Variants in SH3PXD2A observed in about 807,000 individuals in gnomAD.
SH3PXD2A encodes the protein SH3 and PX domain-containing protein 2A.
Under a neutral mutation model 115.2 loss-of-function variants are expected in SH3PXD2A, and 32 were observed. That is an observed-to-expected ratio of 0.28 (90% confidence interval 0.21 to 0.37). The LOEUF (loss-of-function observed/expected upper bound fraction) is 0.37, where lower values mean the gene tolerates loss of function less well. Among genes scored for constraint, SH3PXD2A ranks in the 10% least tolerant of loss-of-function variants. The probability of loss-of-function intolerance (pLI) is 1.00; values close to 1 mark genes in which losing one functional copy is unlikely to be tolerated. For synonymous variants in SH3PXD2A, 610 were observed against 629.1 expected, an observed-to-expected ratio of 0.97 and a Z score of 0.45; for missense variants, 1,328 against 1,498.7, an observed-to-expected ratio of 0.89 and a Z score of 1.88.
Position 103,603,046 on chromosome 10 carries a change from C to G in SH3PXD2A, c.2172G>C (p.Ser724=), listed in dbSNP as rs370081234. 1.2e-6 allele frequency: 2 copies of G among 1,613,780 alleles called. No homozygotes were observed. The highest frequency in any genetic ancestry group is 3.3e-5 in the Admixed American group (2 of 60,012). ...TGGGAGTGCCGCGGATGCCTGCGTC[C>G]GAAGCAGAGCGGGGCTTCAGGTCGC... The part of the protein sequence containing the change: ...TSGDLKPRSA[S]DAGIRGTPKV... Residue 724 remains serine, a synonymous_variant, in exon 15 of 15, where the codon TCG becomes TCC. Coordinates refer to ENST00000369774, the MANE Select transcript of SH3PXD2A (RefSeq NM_001394015.1).
At chr10:103,838,408 A>G (rs1447707534) in intron 1 of SH3PXD2A, among the ~76,000 whole-genome samples, 2 of 152,192 alleles carry the variant, frequency 1.3e-5, no homozygotes, top group East Asian at 3.9e-4. Flanking sequence ...CGGAAGAGGA[A>G]ATCCAAGCAC....
At chr10:103,751,197 C>T (rs540380798) in intron 3 of SH3PXD2A, among the ~76,000 whole-genome samples, 125 of 152,306 alleles carry the variant, frequency 8.2e-4, no homozygotes, top group Non-Finnish European at 1.5e-3. Flanking sequence ...AAAGAATTCA[C>T]GCATGATCTT....
chr10:103,824,661 G>A (rs1487278644), intron 1 of SH3PXD2A, among the ~76,000 whole-genome samples: 1 of 152,100 alleles, frequency 6.6e-6, no homozygotes, highest in Non-Finnish European at 1.5e-5. Flanking sequence ...GGCTTCTGGT[G>A]ACCAGTCCTG....
intron 8 of SH3PXD2A, among the ~76,000 whole-genome samples, chr10:103,654,409 C>T (rs2037177943): frequency 6.6e-6 from 1 of 152,092 alleles, no homozygotes; most frequent in African/African-American, 2.4e-5. Flanking sequence ...AGTTCTATGA[C>T]CAGATGGGGG....
intron 6 of SH3PXD2A, 118 bp from the exon 7 acceptor site, chr10:103,668,770 G>T: frequency 1.1e-6 from 1 of 887,690 alleles, no homozygotes; most frequent in Admixed American, 2.0e-5. Context: ...CCAGCCGCGG[G>T]CGGAAGGCGG....
At chr10:103,660,883 G>T (rs941653714) in intron 8 of SH3PXD2A, 100 bp downstream of exon 8, 1 of 1,306,726 alleles carries the variant, frequency 7.7e-7, no homozygotes, top group African/African-American at 1.4e-5. Context: ...TGGAAATAAC[G>T]TATAGCTGCA....
intron 1 of SH3PXD2A, among the ~76,000 whole-genome samples, chr10:103,813,655 T>A (rs1253354964): frequency 6.6e-6 from 1 of 152,234 alleles, no homozygotes; most frequent in Non-Finnish European, 1.5e-5. Flanking sequence ...TGAACATGTA[T>A]AGCTTTCATA....
At chr10:103,618,678 C>T (rs981541398) in intron 10 of SH3PXD2A, among the ~76,000 whole-genome samples, 7 of 152,202 alleles carry the variant, frequency 4.6e-5, no homozygotes, top group South Asian at 2.1e-4. Flanking sequence ...GCAAGGGTAC[C>T]GATGGGAAGT....
intron 14 of SH3PXD2A, among the ~76,000 whole-genome samples, chr10:103,605,046 C>T (rs377438981): frequency 3.9e-5 from 6 of 152,368 alleles, no homozygotes; most frequent in Middle Eastern, 3.4e-3. Flanking sequence ...CAGCTCTTCT[C>T]TGCTGCCGGG....
Position 103,781,864 on chromosome 10 carries a change from G to C in SH3PXD2A, c.154-14695C>G, listed in dbSNP as rs180870403. On this transcript the variant is annotated intron_variant, in intron 2 of 14. Coordinates refer to ENST00000369774, the MANE Select transcript of SH3PXD2A (RefSeq NM_001394015.1). ...AAGATCCTGGTTTCACAAGCTTGTAGAAAGCACACAGAGACACAAAGCTGA... is the reference window on the plus strand; with the variant it reads ...AAGATCCTGGTTTCACAAGCTTGTACAAAGCACACAGAGACACAAAGCTGA... 3.3e-3 allele frequency among the ~76,000 whole-genome samples: 501 copies of C among 152,340 alleles called. 2 individuals carry two copies. Among genetic ancestry groups the C allele is most frequent in the Middle Eastern group, 0.014 (4 of 294 alleles).
chr10:103,761,733 C>G (rs116371024), intron 3 of SH3PXD2A, among the ~76,000 whole-genome samples: 2,063 of 152,256 alleles, frequency 0.014, 59 homozygotes, highest in African/African-American at 0.047. Flanking sequence ...CTGTCTCAGG[C>G]AGAACTTCTC....
chr10:103,644,307 C>T (rs1410636632), intron 8 of SH3PXD2A, among the ~76,000 whole-genome samples: 2 of 151,782 alleles, frequency 1.3e-5, no homozygotes, highest in South Asian at 2.1e-4. Flanking sequence ...AGGCCAGGTG[C>T]GGTGGCTCAC....
intron 14 of SH3PXD2A, among the ~76,000 whole-genome samples, chr10:103,604,802 G>A (rs578099728): frequency 6.6e-6 from 1 of 152,334 alleles, no homozygotes; most frequent in East Asian, 1.9e-4. Flanking sequence ...TCCTGAGCCT[G>A]ACAGTTCTGC....
At chr10:103,727,986 G>C (rs1200499970) in intron 4 of SH3PXD2A, among the ~76,000 whole-genome samples, 5 of 152,262 alleles carry the variant, frequency 3.3e-5, no homozygotes, top group Non-Finnish European at 7.3e-5. Context: ...CCCAAGCCCA[G>C]CCGTTGTGAG....
At chr10:103,819,542 G>A (rs1239534871) in intron 1 of SH3PXD2A, among the ~76,000 whole-genome samples, 1 of 152,034 alleles carries the variant, frequency 6.6e-6, no homozygotes, top group Non-Finnish European at 1.5e-5. Flanking sequence ...TCCCAGCTCT[G>A]AGGCTCGAGG....
intron 6 of SH3PXD2A, among the ~76,000 whole-genome samples, chr10:103,675,567 G>A (rs2037521722): frequency 1.3e-5 from 2 of 152,172 alleles, no homozygotes; most frequent in Admixed American, 1.3e-4. Flanking sequence ...AACCAGAGAG[G>A]AGAAGAGACT....
At chr10:103,708,067 C>G (rs1297125870) in intron 5 of SH3PXD2A, among the ~76,000 whole-genome samples, 1 of 152,172 alleles carries the variant, frequency 6.6e-6, no homozygotes, top group African/African-American at 2.4e-5. Flanking sequence ...GGCTTGAGCA[C>G]CTGTGTGGGA....
rs1051475345 is a variant in SH3PXD2A at position 103,598,362 on chromosome 10, C to T, written c.*3454G>A. The T allele has an allele frequency of 6.6e-6, 1 of 152,488 alleles. No homozygotes were observed. The highest frequency in any genetic ancestry group is 1.5e-5 in the Non-Finnish European group (1 of 68,046). 9.4% of individuals were successfully genotyped at this position (152,488 alleles called of 1,614,324 possible). On this transcript the variant is annotated 3_prime_UTR_variant, in exon 15 of 15. Coordinates refer to ENST00000369774, the MANE Select transcript of SH3PXD2A (RefSeq NM_001394015.1). Reference sequence around the variant, plus strand: ...GTGAGGAGGAGAGGGGCAACACAGCCAGGTCTGCTGTCACAAAGAGGGATG... The same window carrying T: ...GTGAGGAGGAGAGGGGCAACACAGCTAGGTCTGCTGTCACAAAGAGGGATG...
chr10:103,845,836 A>G (rs1254517034), intron 1 of SH3PXD2A, among the ~76,000 whole-genome samples: 1 of 152,202 alleles, frequency 6.6e-6, no homozygotes, highest in Non-Finnish European at 1.5e-5. Context: ...GCCTCAAAAA[A>G]GGAAAACAAC....
Sources: allele counts gnomAD v4.1 joint callset (sites outside exome capture counted in the v4.1 genomes callset), GRCh38; gene constraint gnomAD v4.1.1; transcripts MANE v1.5; gene names NCBI Gene and HGNC (gene_info 2026-07-23, HGNC 2026-07-21).